ELAVL4: variants seen among roughly 807,000 people sequenced by gnomAD.
ELAVL4 encodes the protein ELAV like RNA binding protein 4.
ELAVL4 carries 1 observed loss-of-function variant against 35.6 expected under a neutral mutation model. That is an observed-to-expected ratio of 0.03 (90% CI 0.01 to 0.13). ELAVL4 has a LOEUF of 0.13. ELAVL4 is among the 10% of genes least tolerant of loss of function. ELAVL4 has a pLI of 1.00. For synonymous variants in ELAVL4, 156 were observed against 171.0 expected (o/e 0.91, Z 0.69); for missense variants, 267 against 464.9 (o/e 0.57, Z 3.91).
chr1:50,178,229 T>C (rs1303931522), intron 3 of ELAVL4, among the ~76,000 whole-genome samples: 1 of 152,122 alleles, frequency 6.6e-6, no homozygotes, highest in Non-Finnish European at 1.5e-5. Context: ...CGACAGCAGG[T>C]CTGACGCAAA....
intron 3 of ELAVL4, 42 bp downstream of exon 3, chr1:50,177,234 T>C: frequency 6.9e-7 from 1 of 1,457,952 alleles, no homozygotes; most frequent in Non-Finnish European, 9.6e-7. Flanking sequence ...GAGGCTCTGG[T>C]TAAATTTCAT....
upstream of ELAVL4, chr1:50,105,609 A>C (rs186957371): frequency 1.3e-5 from 2 of 152,230 alleles, no homozygotes; most frequent in African/African-American, 2.4e-5. Flanking sequence ...GAATCTGTGC[A>C]CTCTACCCAC....
intron 1 of ELAVL4, among the ~76,000 whole-genome samples, chr1:50,126,502 G>A (rs988463327): frequency 6.6e-6 from 1 of 152,084 alleles, no homozygotes; most frequent in African/African-American, 2.4e-5. Flanking sequence ...GGACTCCTGT[G>A]CTAACTGGAA....
At chr1:50,144,141 T>C (rs1347269313) in intron 1 of ELAVL4, among the ~76,000 whole-genome samples, 2 of 152,194 alleles carry the variant, frequency 1.3e-5, no homozygotes, top group Non-Finnish European at 2.9e-5. Flanking sequence ...GGATAGGGAT[T>C]CATTCATTTC....
At chr1:50,123,594 A>G (rs1669387261) in intron 1 of ELAVL4, among the ~76,000 whole-genome samples, 1 of 152,176 alleles carries the variant, frequency 6.6e-6, no homozygotes, top group Middle Eastern at 3.4e-3. Context: ...AGAGATGGCT[A>G]CTTAATTCAT....
At chr1:50,151,591 T>A (rs1674798622) in intron 2 of ELAVL4, among the ~76,000 whole-genome samples, 1 of 152,194 alleles carries the variant, frequency 6.6e-6, no homozygotes, top group Non-Finnish European at 1.5e-5. Context: ...TAAATGAACT[T>A]TTCTACATGC....
intron 1 of ELAVL4, among the ~76,000 whole-genome samples, chr1:50,090,780 A>C (rs999029624): frequency 3.9e-5 from 6 of 152,226 alleles, no homozygotes; most frequent in African/African-American, 1.4e-4. Flanking sequence ...GATGTGCATC[A>C]CTTCCACCCA....
At chr1:50,086,476 T>TTA (rs35215248) in intron 1 of ELAVL4, among the ~76,000 whole-genome samples, 9,441 of 144,266 alleles carry the variant, frequency 0.065, 657 homozygotes, top group African/African-American at 0.18. Context: ...CATTCAGCTT[T>TTA]TATATATATA....
intron 3 of ELAVL4, among the ~76,000 whole-genome samples, chr1:50,178,671 G>A (rs1680503631): frequency 6.6e-6 from 1 of 152,110 alleles, no homozygotes; most frequent in South Asian, 2.1e-4. Context: ...CCTCTGAGAG[G>A]CAGGAGGATT....
intron 6 of ELAVL4, among the ~76,000 whole-genome samples, chr1:50,199,781 C>T (rs1016383350): frequency 7.3e-5 from 11 of 151,476 alleles, no homozygotes; most frequent in African/African-American, 2.2e-4. Flanking sequence ...TGAAACAAAA[C>T]ATTAACAAAT....
chr1:50,177,044 C>A, intron 2 of ELAVL4, 45 bp from the exon 3 acceptor site: 1 of 1,509,598 alleles, frequency 6.6e-7, no homozygotes, highest in South Asian at 1.1e-5. Context: ...TTCTCTCTGT[C>A]TGTCTCTCTC....
intron 1 of ELAVL4, among the ~76,000 whole-genome samples, chr1:50,070,468 C>T (rs191500023): frequency 1.3e-5 from 2 of 152,258 alleles, no homozygotes; most frequent in East Asian, 1.9e-4. Flanking sequence ...CGTGGCTGGG[C>T]GCAGTGGCTC....
At chr1:50,188,531 C>T (rs1682177893) in intron 3 of ELAVL4, among the ~76,000 whole-genome samples, 1 of 152,188 alleles carries the variant, frequency 6.6e-6, no homozygotes, top group African/African-American at 2.4e-5. Context: ...ATCCTAAGGT[C>T]ATCTTTATTG....
At chr1:50,128,008 T>G (rs1178688802) in intron 1 of ELAVL4, among the ~76,000 whole-genome samples, 1 of 152,166 alleles carries the variant, frequency 6.6e-6, no homozygotes, top group African/African-American at 2.4e-5. Flanking sequence ...GCTTTGGCTT[T>G]GGCTTTGGCT....
chr1:50,197,861 T>C (rs568783050), intron 6 of ELAVL4, among the ~76,000 whole-genome samples: 127 of 152,380 alleles, frequency 8.3e-4, no homozygotes, highest in African/African-American at 2.9e-3. Context: ...AGAGGGCAGA[T>C]TCCAGCAAAT....
chr1:50,198,885 A>T (rs1644226411), intron 6 of ELAVL4, among the ~76,000 whole-genome samples: 1 of 152,196 alleles, frequency 6.6e-6, no homozygotes, highest in Admixed American at 6.5e-5. Context: ...ACTGTCACCA[A>T]CTAGGATAGA....
At chr1:50,190,050 C>A (rs1345501659) in intron 3 of ELAVL4, among the ~76,000 whole-genome samples, 1 of 152,236 alleles carries the variant, frequency 6.6e-6, no homozygotes. Flanking sequence ...AGTCACCTGG[C>A]TTTGAGCCAC....
chr1:50,093,350 T>C (rs1258693986), intron 1 of ELAVL4, among the ~76,000 whole-genome samples: 1 of 152,184 alleles, frequency 6.6e-6, no homozygotes, highest in Non-Finnish European at 1.5e-5. Flanking sequence ...TCCCCACACA[T>C]TACTGTGCTC....
intron 1 of ELAVL4, among the ~76,000 whole-genome samples, chr1:50,067,073 G>T (rs142858228): frequency 6.6e-6 from 1 of 152,226 alleles, no homozygotes; most frequent in East Asian, 1.9e-4. Context: ...CTCTGGGAGA[G>T]TGCATGTTTT....
Sources: gnomAD v4.1 joint callset for allele counts (sites outside exome capture counted in the v4.1 genomes callset) on GRCh38, gnomAD v4.1.1 for gene constraint, MANE v1.5 for transcripts, NCBI Gene and HGNC (gene_info 2026-07-23, HGNC 2026-07-21) for gene names.